Variants in ITGA6 observed in about 807,000 individuals in gnomAD.
ITGA6 encodes integrin alpha-6.
Under a neutral mutation model 133.6 loss-of-function variants are expected in ITGA6, and 63 were observed. The observed-to-expected ratio is 0.47, with a 90% CI of 0.38 to 0.58. The LOEUF (loss-of-function observed/expected upper bound fraction) is 0.58. ITGA6 is among the 20% of genes least tolerant of loss of function. The pLI is 0.00. For synonymous variants in ITGA6, 434 were observed against 482.0 expected (o/e 0.90, Z 1.30); for missense variants, 1,068 against 1,309.4 (o/e 0.82, Z 2.85).
At chr2:172,469,450 T>C in intron 4 of ITGA6, 70 bp downstream of exon 4, 11 of 767,074 alleles carry the variant, frequency 1.4e-5, no homozygotes, top group Non-Finnish European at 1.8e-5. Flanking sequence ...TAGTACATTT[T>C]GAGCTAAAAT....
chr2:172,468,967 G>T (rs1685799130), intron 3 of ITGA6, 158 bp from the exon 4 acceptor site: 4 of 739,736 alleles, frequency 5.4e-6, no homozygotes, highest in African/African-American at 5.2e-5. Context: ...TGCCACTTTG[G>T]GGAATATTTG....
Position 172,488,176 on chromosome 2 carries a change from A to G in ITGA6, c.2453A>G (p.Gln818Arg), listed in dbSNP as rs879267073. The change falls in exon 19 of 26, where the codon CAA (glutamine) becomes CGA (arginine). Residue 818 changes from glutamine to arginine, a missense_variant. Transcript: ENST00000684293. ...TTTGGAGGTACAGTTGTTGGCGAGC[A>G]AGCTATGAAATCTGAAGATGAAGTG... The part of the protein sequence containing the change: ...VYFGGTVVGE[Q>R]AMKSEDEVGS... 2.5e-6 allele frequency: 4 copies of G among 1,614,112 alleles called. No homozygotes were observed. The highest frequency in any genetic ancestry group is 3.4e-6 in the Non-Finnish European group (4 of 1,179,980).
intron 1 of ITGA6, among the ~76,000 whole-genome samples, chr2:172,457,980 C>A (rs1685281815): frequency 6.6e-6 from 1 of 152,088 alleles, no homozygotes; most frequent in Non-Finnish European, 1.5e-5. Context: ...CCTCCCCGCC[C>A]CCCAACCAAG....
intron 6 of ITGA6, 136 bp downstream of exon 6, chr2:172,474,401 C>T (rs1686075103): frequency 1.3e-6 from 1 of 761,482 alleles, no homozygotes; most frequent in Non-Finnish European, 2.3e-6. Context: ...ACCAGCCTAT[C>T]TTTATCATTT....
At chr2:172,458,321 C>A (rs1359242942) in intron 1 of ITGA6, among the ~76,000 whole-genome samples, 1 of 150,606 alleles carries the variant, frequency 6.6e-6, no homozygotes, top group East Asian at 2.0e-4. Flanking sequence ...GCTCCTGAAA[C>A]CTCCATCTCC....
chr2:172,496,637 CCT>C lies in ITGA6; in HGVS notation c.2989-1337_2989-1336del, dbSNP rs761226359. The stretch of plus-strand genomic sequence containing the variant: ...CACTTCTCAGAAGTTAAATGCTCCC[CCT>C]GAGTTTTGTTTCCCTTTACTTTACA... On this transcript the variant is annotated intron_variant, in intron 23 of 25. Coordinates refer to ENST00000684293, the MANE Select transcript of ITGA6 (RefSeq NM_000210.4). Among the ~76,000 whole-genome samples the C allele has an allele frequency of 1.8e-4, 26 of 147,224 alleles. 1 individual carries two copies. The South Asian group carries it at 2.3e-3, about 13-fold the overall frequency.
At chr2:172,477,874 C>G (rs1183285731) in intron 9 of ITGA6, among the ~76,000 whole-genome samples, 1 of 152,168 alleles carries the variant, frequency 6.6e-6, no homozygotes, top group African/African-American at 2.4e-5. Context: ...TGCATTTTTT[C>G]TACTAAATTG....
chr2:172,483,319 G>C (rs79942980), intron 11 of ITGA6, among the ~76,000 whole-genome samples: 2,470 of 152,332 alleles, frequency 0.016, 21 homozygotes, highest in South Asian at 0.037. Flanking sequence ...TTTTGTGTTT[G>C]TGATAGAGAC....
intron 3 of ITGA6, 176 bp from the exon 4 acceptor site, chr2:172,468,949 C>T: frequency 1.5e-6 from 1 of 648,260 alleles, no homozygotes. Flanking sequence ...TCATAATGGT[C>T]TCCTTAGTGC....
intron 20 of ITGA6, 154 bp from the exon 21 acceptor site, chr2:172,490,870 T>G (rs147989493): frequency 1.6e-6 from 1 of 640,276 alleles, no homozygotes; most frequent in African/African-American, 1.8e-5. Context: ...TACTTGCTGG[T>G]TTTACACTTA....
chr2:172,487,945 T>G lies in ITGA6; in HGVS notation c.2325-16T>G, dbSNP rs749200998. 1 of 1,610,424 alleles carries G rather than the reference T, an allele frequency of 6.2e-7. No individual in the cohort carries two copies. The highest frequency in any genetic ancestry group is 1.1e-5 in the South Asian group (1 of 90,962). ...ACTGGTAAAATACAACCCTATTGTT[T>G]CCTTTTCATTTTCAGAACAAGCAAT... On this transcript the variant is annotated splice_polypyrimidine_tract_variant and intron_variant, in intron 17 of 25. Transcript: ENST00000684293.
rs200141585 is a variant in ITGA6, at chr2:172,504,215, G to A, written c.*147G>A. The A allele has an allele frequency of 7.6e-6, 12 of 1,584,932 alleles. No homozygotes were observed. In the African/African-American group the frequency reaches 1.5e-4, roughly 20 times the overall value. On this transcript the variant is annotated 3_prime_UTR_variant, in exon 26 of 26. Transcript: ENST00000684293. ...ATTGATAACCTTGAAAAAAAACAGTGGATCACAAAGTGGAACGAAAATGAA... is the reference window on the plus strand; with the variant it reads ...ATTGATAACCTTGAAAAAAAACAGTAGATCACAAAGTGGAACGAAAATGAA...
In ITGA6 at chr2:172,427,890, C is replaced by A. The variant is rs771118805; in HGVS notation, c.102C>A (p.Ile34=). Residue 34 remains isoleucine, a synonymous_variant, in exon 1 of 26, where the codon ATC becomes ATA. Coordinates refer to ENST00000684293, the MANE Select transcript of ITGA6 (RefSeq NM_000210.4). ...TGGACACTCGGGAGGACAACGTGAT[C>A]CGGAAATATGGAGACCCCGGGAGCC... ...FNLDTREDNV[I]RKYGDPGSLF... The A allele has an allele frequency of 4.4e-6, 7 of 1,606,904 alleles. No individual in the cohort carries two copies. In the East Asian group the frequency reaches 1.6e-4, roughly 36 times the overall value.
chr2:172,497,450 A>C lies in ITGA6; in HGVS notation c.2989-525A>C, dbSNP rs188082269. ...TGGGAGGTTGAGGCTGCAGTGACCC[A>C]TGGTCACACCACTTGCACTCCAACC... On this transcript the variant is annotated intron_variant, in intron 23 of 25. Coordinates refer to ENST00000684293, the MANE Select transcript of ITGA6 (RefSeq NM_000210.4). Among the ~76,000 whole-genome samples, 348 of 149,916 alleles carry C rather than the reference A, an allele frequency of 2.3e-3. 3 individuals carry two copies. Among genetic ancestry groups the C allele is most frequent in the African/African-American group, 8.3e-3 (334 of 40,212 alleles).
intron 23 of ITGA6, among the ~76,000 whole-genome samples, chr2:172,492,889 C>G (rs147655687): frequency 6.6e-6 from 1 of 152,236 alleles, no homozygotes; most frequent in East Asian, 1.9e-4. Context: ...GATTTATTAT[C>G]CAAGCAAGAA....
Position 172,487,776 on chromosome 2 carries a change from C to T in ITGA6, c.2293C>T (p.Pro765Ser), listed in dbSNP as rs1353730085. Reference protein sequence around the residue: ...LSTTEVTFDTPDLDINLKLET... With the variant: ...LSTTEVTFDTSDLDINLKLET... Reference sequence around the variant, plus strand: ...TACAACTGAAGTCACCTTTGACACCCCAGATCTGGATATTAATCTGAAGTT... The same window carrying T: ...TACAACTGAAGTCACCTTTGACACCTCAGATCTGGATATTAATCTGAAGTT... Residue 765 changes from proline to serine, a missense_variant, in exon 17 of 26, where the codon CCA becomes TCA. Around this residue, in one of 3 missense-constraint regions of ITGA6, gnomAD observed 609 missense variants for 707.2 expected, o/e 0.86. Transcript: ENST00000684293. The T allele has an allele frequency of 6.2e-7, 1 of 1,611,498 alleles. No homozygotes were observed. Among genetic ancestry groups the T allele is most frequent in the African/African-American group, 1.3e-5 (1 of 74,776 alleles).
Position 172,454,070 on chromosome 2 carries a change from GT to G in ITGA6, c.183-11459del, listed in dbSNP as rs374720736. Among the ~76,000 whole-genome samples the G allele has an allele frequency of 5.1e-4, 73 of 141,854 alleles. 1 individual carries two copies. The South Asian group carries it at 0.016, about 31-fold the overall frequency. 93.1% of individuals were successfully genotyped at this position (141,854 alleles called of 152,430 possible). A position where few individuals can be genotyped will look rare whatever the true frequency, so the allele number is the denominator to read the frequency against. ...CCTGAACTAGCCTGGAAAGTGGGAAGTTTTTTTTTTGTTTTGTTTTGTTTTT... is the reference window on the plus strand; with the variant it reads ...CCTGAACTAGCCTGGAAAGTGGGAAGTTTTTTTTTGTTTTGTTTTGTTTTT... On this transcript the variant is annotated intron_variant, in intron 1 of 25. Coordinates refer to ENST00000684293, the MANE Select transcript of ITGA6 (RefSeq NM_000210.4).
chr2:172,502,353 G>A (rs532401238), intron 25 of ITGA6, among the ~76,000 whole-genome samples: 1 of 152,268 alleles, frequency 6.6e-6, no homozygotes, highest in South Asian at 2.1e-4. Flanking sequence ...CCTGTTGCAT[G>A]TTGGAAATGT....
intron 11 of ITGA6, among the ~76,000 whole-genome samples, chr2:172,482,057 C>T (rs1686465256): frequency 6.6e-6 from 1 of 152,196 alleles, no homozygotes; most frequent in Admixed American, 6.5e-5. Flanking sequence ...AAACCACTCT[C>T]AGTTTGACTG....
Sources: gnomAD v4.1 joint callset for allele counts (sites outside exome capture counted in the v4.1 genomes callset) on GRCh38, gnomAD v4.1.1 for gene constraint, gnomAD v4.1.1 regional missense constraint, MANE v1.5 for transcripts, NCBI Gene and HGNC (gene_info 2026-07-23, HGNC 2026-07-21) for gene names.